The following ZFPM2 variants were observed in gnomAD, a reference collection of about 807,000 sequenced individuals.
The protein encoded by ZFPM2 is zinc finger protein ZFPM2.
Under a neutral mutation model 98.6 loss-of-function variants are expected in ZFPM2, and 20 were observed. The ratio of observed to expected loss-of-function variants is 0.20; its 90% CI spans 0.14 to 0.29. The LOEUF (loss-of-function observed/expected upper bound fraction) is 0.29. Ranked by LOEUF, ZFPM2 falls within the 10% of genes least tolerant of loss-of-function variation. The pLI, the probability that ZFPM2 is intolerant of heterozygous loss-of-function variation, is 1.00. For missense variants in ZFPM2, 1,310 were observed against 1,388.6 expected (o/e 0.94, Z 0.90); for synonymous variants, 518 against 502.7 (o/e 1.03, Z -0.41).
intron 3 of ZFPM2, among the ~76,000 whole-genome samples, chr8:105,449,323 A>G (rs944282413): frequency 1.3e-5 from 2 of 152,052 alleles, no homozygotes; most frequent in Non-Finnish European, 2.9e-5. Flanking sequence ...CCCCCACAAT[A>G]ACATGTGTTA....
intron 3 of ZFPM2, among the ~76,000 whole-genome samples, chr8:105,553,091 G>A (rs1484729673): frequency 6.6e-5 from 10 of 151,960 alleles, no homozygotes; most frequent in African/African-American, 2.4e-4. Context: ...GATTACAGAC[G>A]TGAACCATTG....
chr8:105,730,450 A>G (rs1275037507), intron 5 of ZFPM2, among the ~76,000 whole-genome samples: 1 of 151,320 alleles, frequency 6.6e-6, no homozygotes, highest in Non-Finnish European at 1.5e-5. Context: ...GATGCCAATC[A>G]CCTCCCATCA....
chr8:105,779,650 C>G (rs1459344469), intron 5 of ZFPM2, among the ~76,000 whole-genome samples: 1 of 152,172 alleles, frequency 6.6e-6, no homozygotes, highest in Non-Finnish European at 1.5e-5. Flanking sequence ...TGTTAGGTTA[C>G]TGAATTGCTC....
At chr8:105,770,416 T>G (rs1487534746) in intron 5 of ZFPM2, among the ~76,000 whole-genome samples, 1 of 152,130 alleles carries the variant, frequency 6.6e-6, no homozygotes, top group African/African-American at 2.4e-5. Flanking sequence ...GAAAGTTAAC[T>G]GAAAACAAAG....
chr8:105,431,924 A>AAAAAAAAAAAAAG (rs1208171217), intron 2 of ZFPM2, among the ~76,000 whole-genome samples: 5 of 149,560 alleles, frequency 3.3e-5, no homozygotes, highest in Non-Finnish European at 5.9e-5. Flanking sequence ...TGTGTCTCAA[A>AAAAAAAAAAAAAG]AAAAAGAAAA....
At chr8:105,435,982 T>G (rs569985759) in intron 2 of ZFPM2, among the ~76,000 whole-genome samples, 1 of 152,312 alleles carries the variant, frequency 6.6e-6, no homozygotes, top group South Asian at 2.1e-4. Context: ...AGTTGGAAAC[T>G]TATGACATTT....
At chr8:105,581,188 G>A (rs1333331535) in intron 4 of ZFPM2, among the ~76,000 whole-genome samples, 1 of 151,822 alleles carries the variant, frequency 6.6e-6, no homozygotes, top group African/African-American at 2.4e-5. Flanking sequence ...TTGTTAATGA[G>A]TTTAAAAAAG....
At chr8:105,499,865 A>AT (rs1188528136) in intron 3 of ZFPM2, among the ~76,000 whole-genome samples, 1 of 152,158 alleles carries the variant, frequency 6.6e-6, no homozygotes, top group South Asian at 2.1e-4. Context: ...GAAATGTAGG[A>AT]TTTGCAATGA....
At chr8:105,322,322 G>A (rs1812042242) in intron 1 of ZFPM2, among the ~76,000 whole-genome samples, 1 of 152,004 alleles carries the variant, frequency 6.6e-6, no homozygotes, top group African/African-American at 2.4e-5. Context: ...AATGTGTTGT[G>A]TGTGCAGTTT....
chr8:105,415,163 T>C (rs867102272), intron 1 of ZFPM2, among the ~76,000 whole-genome samples: 7 of 152,230 alleles, frequency 4.6e-5, no homozygotes, highest in Middle Eastern at 3.4e-3. Flanking sequence ...AATTTCCCAG[T>C]TATTCTCATT....
chr8:105,718,611 G>GA (rs958650516), intron 5 of ZFPM2, among the ~76,000 whole-genome samples: 22 of 151,918 alleles, frequency 1.4e-4, no homozygotes, highest in Non-Finnish European at 3.2e-4. Flanking sequence ...TTCCTTTAGA[G>GA]AAAATTATCC....
chr8:105,393,184 TA>T (rs1811141494), intron 1 of ZFPM2, among the ~76,000 whole-genome samples: 1 of 152,182 alleles, frequency 6.6e-6, no homozygotes, highest in African/African-American at 2.4e-5. Flanking sequence ...TTTAAAGAAA[TA>T]TTTTTATTGC....
chr8:105,425,545 C>CAAGA (rs1478811307), intron 2 of ZFPM2, among the ~76,000 whole-genome samples: 1 of 152,130 alleles, frequency 6.6e-6, no homozygotes, highest in Non-Finnish European at 1.5e-5. Flanking sequence ...TTAGAAAGAT[C>CAAGA]AAGAGGCAGA....
intron 3 of ZFPM2, among the ~76,000 whole-genome samples, chr8:105,471,576 G>T (rs1812904040): frequency 6.6e-6 from 1 of 152,168 alleles, no homozygotes; most frequent in Non-Finnish European, 1.5e-5. Flanking sequence ...GTAGATTGTG[G>T]CTGGCCAAGC....
chr8:105,650,852 G>A lies in ZFPM2; in HGVS notation c.532+16495G>A, dbSNP rs535353527. Among the ~76,000 whole-genome samples, 3 of 152,216 alleles carry A rather than the reference G, an allele frequency of 2.0e-5. No homozygotes were observed. The East Asian group carries it at 5.8e-4, about 29-fold the overall frequency. ...GTGGTGCTGAGAAGAATGTTGATTT[G>A]CGGTGGAGAGTTCTGTAGATGTCTA... On this transcript the variant is annotated intron_variant, in intron 5 of 7. Transcript: ENST00000407775.
chr8:105,540,822 G>A (rs886529718), intron 3 of ZFPM2, among the ~76,000 whole-genome samples: 18 of 152,106 alleles, frequency 1.2e-4, no homozygotes, highest in Non-Finnish European at 2.2e-4. Flanking sequence ...GTAAGAAATC[G>A]GCAACAAGGT....
At chr8:105,474,826 G>A (rs1812980708) in intron 3 of ZFPM2, among the ~76,000 whole-genome samples, 1 of 151,490 alleles carries the variant, frequency 6.6e-6, no homozygotes, top group Non-Finnish European at 1.5e-5. Context: ...CATCATAGAT[G>A]AATTCTCCTT....
At chr8:105,441,434 A>AAGACAG (rs1563659797) in intron 2 of ZFPM2, among the ~76,000 whole-genome samples, 1 of 94,994 alleles carries the variant, frequency 1.1e-5, no homozygotes, top group African/African-American at 6.2e-5. Context: ...GAAAGAAAGA[A>AAGACAG]AGAGAGAGAG....
At chr8:105,742,403 G>A (rs1052025957) in intron 5 of ZFPM2, among the ~76,000 whole-genome samples, 3 of 148,130 alleles carry the variant, frequency 2.0e-5, no homozygotes, top group Non-Finnish European at 4.5e-5. Context: ...AAAAAAAGGT[G>A]TTGGAGTAAA....
Sources: gnomAD v4.1 joint callset for allele counts (sites outside exome capture counted in the v4.1 genomes callset) on GRCh38, gnomAD v4.1.1 for gene constraint, MANE v1.5 for transcripts, NCBI Gene and HGNC (gene_info 2026-07-23, HGNC 2026-07-21) for gene names.